Variants in SPATA17 observed in about 807,000 individuals in gnomAD.
SPATA17 encodes spermatogenesis-associated protein 17.
SPATA17 carries 53 observed loss-of-function variants against 62.2 expected under a neutral mutation model. The observed-to-expected ratio is 0.85, with a 90% CI of 0.68 to 1.07. The LOEUF (loss-of-function observed/expected upper bound fraction) is 1.07. Among genes scored for constraint, SPATA17 ranks in the 50% least tolerant of loss-of-function variants. The pLI is 0.00. For synonymous variants in SPATA17, 146 were observed against 146.8 expected (o/e 0.99, Z 0.04); for missense variants, 466 against 425.5 (o/e 1.10, Z -0.84).
intron 9 of SPATA17, among the ~76,000 whole-genome samples, chr1:217,858,034 G>A (rs1473500839): frequency 2.6e-5 from 4 of 152,108 alleles, no homozygotes; most frequent in African/African-American, 7.2e-5. Flanking sequence ...TATATCAGAT[G>A]AGTCCAAAAT....
rs138884221 is a variant in SPATA17 at position 217,764,819 on chromosome 1, T to C, written c.520-9515T>C. Among the ~76,000 whole-genome samples the C allele has an allele frequency of 8.6e-3, 1,317 of 152,264 alleles. 63 individuals carry two copies. Among genetic ancestry groups the C allele is most frequent in the Admixed American group, 0.074 (1,125 of 15,286 alleles). On this transcript the variant is annotated intron_variant, in intron 6 of 10. Transcript: ENST00000366933. The stretch of plus-strand genomic sequence containing the variant: ...GACACATGATAATGACTATCTTTTC[T>C]TATACTTATTTGCCATCTGTGTATC...
chr1:217,702,524 G>A (rs1413216449), intron 5 of SPATA17, among the ~76,000 whole-genome samples: 1 of 151,980 alleles, frequency 6.6e-6, no homozygotes. Context: ...GACCCTCTAT[G>A]TATCTCATTT....
intron 9 of SPATA17, among the ~76,000 whole-genome samples, chr1:217,817,399 CTCTCCT>C (rs1466842272): frequency 6.6e-6 from 1 of 152,022 alleles, no homozygotes; most frequent in African/African-American, 2.4e-5. Context: ...CTTCATTCAG[CTCTCCT>C]TCTCCTTCCT....
intron 9 of SPATA17, among the ~76,000 whole-genome samples, chr1:217,854,699 G>GA (rs202130163): frequency 0.036 from 5,456 of 151,452 alleles, 330 homozygotes; most frequent in African/African-American, 0.13. Flanking sequence ...CTACTAGCTG[G>GA]AAAAAAAAAG....
chr1:217,823,532 A>G (rs1674919513), intron 9 of SPATA17, among the ~76,000 whole-genome samples: 3 of 151,968 alleles, frequency 2.0e-5, no homozygotes, highest in Non-Finnish European at 4.4e-5. Context: ...ATGCCATGGG[A>G]AAAATGCTAA....
At chr1:217,659,182 A>T (rs921765081) in intron 3 of SPATA17, among the ~76,000 whole-genome samples, 1 of 144,320 alleles carries the variant, frequency 6.9e-6, no homozygotes, top group African/African-American at 2.6e-5. Flanking sequence ...GACTTTGCCC[A>T]TCAAAACACA....
At chr1:217,835,791 T>C (rs755937683) in intron 9 of SPATA17, among the ~76,000 whole-genome samples, 28 of 152,098 alleles carry the variant, frequency 1.8e-4, no homozygotes, top group Non-Finnish European at 4.0e-4. Context: ...TCACAAAATA[T>C]GCAACTTCTC....
In SPATA17 at chr1:217,798,548, C is replaced by T. The variant is rs1022539377; in HGVS notation, c.873-3170C>T. Among the ~76,000 whole-genome samples, 6 of 152,240 alleles carry T rather than the reference C, an allele frequency of 3.9e-5. No individual in the cohort carries two copies. The South Asian group carries it at 6.2e-4, about 16-fold the overall frequency. On this transcript the variant is annotated intron_variant, in intron 8 of 10. Transcript: ENST00000366933. ...GTGGAAAATGTCAGACTTCTGTGGG[C>T]ATCAAATGATCATAAGGCATGTAAT... is the stretch of plus-strand genomic sequence containing the variant.
At chr1:217,825,490 C>T (rs1346716617) in intron 9 of SPATA17, among the ~76,000 whole-genome samples, 1 of 151,718 alleles carries the variant, frequency 6.6e-6, no homozygotes, top group Non-Finnish European at 1.5e-5. Flanking sequence ...CATGAATTTG[C>T]CACAATTTAT....
chr1:217,830,812 A>T (rs1675124140), intron 9 of SPATA17, among the ~76,000 whole-genome samples: 1 of 152,144 alleles, frequency 6.6e-6, no homozygotes. Context: ...TGTAAGGTTA[A>T]GCTATTAGAG....
At chr1:217,821,709 G>A (rs1051512320) in intron 9 of SPATA17, among the ~76,000 whole-genome samples, 4 of 152,052 alleles carry the variant, frequency 2.6e-5, no homozygotes, top group African/African-American at 9.7e-5. Flanking sequence ...AAGATGTTTA[G>A]CATTAATTAT....
chr1:217,762,619 T>A (rs1312148065), intron 6 of SPATA17, among the ~76,000 whole-genome samples: 2 of 152,160 alleles, frequency 1.3e-5, no homozygotes, highest in Non-Finnish European at 2.9e-5. Context: ...CTATGCCAGT[T>A]ATGGAGATAA....
chr1:217,772,775 G>GGA (rs1181525852), intron 6 of SPATA17, among the ~76,000 whole-genome samples: 4 of 152,170 alleles, frequency 2.6e-5, no homozygotes, highest in African/African-American at 9.7e-5. Context: ...AAAAATACCT[G>GGA]GAACAGACTC....
intron 5 of SPATA17, among the ~76,000 whole-genome samples, chr1:217,705,297 G>C (rs146431558): frequency 2.1e-5 from 3 of 140,846 alleles, no homozygotes; most frequent in Non-Finnish European, 4.9e-5. Flanking sequence ...ATAAATTCTG[G>C]ATATTAGAAC....
At chr1:217,654,339 C>T (rs1461097578) in intron 3 of SPATA17, among the ~76,000 whole-genome samples, 1 of 151,878 alleles carries the variant, frequency 6.6e-6, no homozygotes, top group Non-Finnish European at 1.5e-5. Context: ...AGGGTTTCTC[C>T]CTGTTGGCCA....
intron 10 of SPATA17, among the ~76,000 whole-genome samples, chr1:217,864,400 T>A (rs908679613): frequency 6.6e-6 from 1 of 152,112 alleles, no homozygotes; most frequent in African/African-American, 2.4e-5. Context: ...CCCATTAATT[T>A]TTAAAAATGC....
At chr1:217,839,118 T>C (rs573447271) in intron 9 of SPATA17, among the ~76,000 whole-genome samples, 5 of 151,966 alleles carry the variant, frequency 3.3e-5, no homozygotes, top group African/African-American at 1.2e-4. Context: ...CTCAAATTGA[T>C]TGAGTAGTGC....
chr1:217,850,517 G>T, intron 9 of SPATA17: 1 of 1,564,296 alleles, frequency 6.4e-7, no homozygotes, highest in South Asian at 1.1e-5. Context: ...GCCTCTGCTG[G>T]TCGGGGAGGA....
In SPATA17 at chr1:217,703,174, C is replaced by CTTTTTTTTTTTTTTTT. The variant is rs1203063860; in HGVS notation, c.395+19827_395+19828insTTTTTTTTTTTTTTTT. ...ACAGGCGTGAGCCATTGCGCTCGGC[C>CTTTTTTTTTTTTTTTT]TTTTTTTTTTTTTTGAAATGGAGTC... On this transcript the variant is annotated intron_variant, in intron 5 of 10. Transcript: ENST00000366933. Among the ~76,000 whole-genome samples, 1,011 of 105,270 alleles carry CTTTTTTTTTTTTTTTT rather than the reference C, an allele frequency of 9.6e-3. 59 individuals carry two copies. The highest frequency in any genetic ancestry group is 0.02 in the African/African-American group (504 of 25,576). 69.1% of individuals were successfully genotyped at this position (105,270 alleles called of 152,430 possible). A position where few individuals can be genotyped will look rare whatever the true frequency, so the allele number is the denominator to read the frequency against.
Sources: allele counts gnomAD v4.1 joint callset (sites outside exome capture counted in the v4.1 genomes callset), GRCh38; gene constraint gnomAD v4.1.1; transcripts MANE v1.5; gene names NCBI Gene and HGNC (gene_info 2026-07-23, HGNC 2026-07-21).